The following CLUL1 variants were observed in gnomAD, a reference collection of about 807,000 sequenced individuals.
CLUL1 encodes the protein clusterin-like protein 1.
CLUL1 carries 43 observed loss-of-function variants against 49.4 expected under a neutral mutation model. That is an observed-to-expected ratio of 0.87 (90% CI 0.68 to 1.12). CLUL1 has a LOEUF of 1.12. Among genes scored for constraint, CLUL1 ranks in the 50% most tolerant of loss-of-function variants. The probability of loss-of-function intolerance (pLI) is 0.00; values close to 1 mark genes in which losing one functional copy is unlikely to be tolerated. For missense variants in CLUL1, 486 were observed against 544.4 expected (o/e 0.89, Z 1.07); for synonymous variants, 192 against 184.9 (o/e 1.04, Z -0.31).
chr18:638,441 A>G (rs925131809), intron 7 of CLUL1, among the ~76,000 whole-genome samples: 28 of 152,400 alleles, frequency 1.8e-4, no homozygotes, highest in African/African-American at 6.2e-4. Context: ...TACATCAGAT[A>G]ATACAGTACA....
At chr18:644,202 A>G (rs2074411841) in intron 8 of CLUL1, among the ~76,000 whole-genome samples, 1 of 152,242 alleles carries the variant, frequency 6.6e-6, no homozygotes, top group South Asian at 2.1e-4. Flanking sequence ...ACTCACAGAA[A>G]GAGAAGGGAA....
rs367830327 is a variant in CLUL1, at chr18:636,847, G to A, written c.994+3412G>A. ...TCACCATGTTGGTTAGGCTGGTGGC[G>A]AACTCCTGACCTCAAGTGATTTGCC... On this transcript the variant is annotated intron_variant, in intron 7 of 9. Transcript: ENST00000692774. Among the ~76,000 whole-genome samples, 8 of 151,552 alleles carry A rather than the reference G, an allele frequency of 5.3e-5. No individual in the cohort carries two copies. The East Asian group carries it at 7.8e-4, about 15-fold the overall frequency.
Position 641,385 on chromosome 18 carries a change from T to C in CLUL1, c.1053T>C (p.Asn351=), listed in dbSNP as rs370312760. 85 of 1,614,100 alleles carry C rather than the reference T, an allele frequency of 5.3e-5. No homozygotes were observed. The highest frequency in any genetic ancestry group is 5.7e-5 in the Non-Finnish European group (67 of 1,180,046). ...TELDEAIRLV[N]VSNQQYGQIL... is the part of the protein sequence containing the mutation. ...TAGACGAGGCGATCAGGTTGGTCAA[T>C]GTATCCAATCAGCAGTATGGCCAGA... Residue 351 remains asparagine (N), a synonymous_variant, in exon 8 of 10, where the codon AAT becomes AAC. Transcript: ENST00000692774.
At chr18:620,931 A>C (rs2073472627) in intron 4 of CLUL1, among the ~76,000 whole-genome samples, 1 of 152,204 alleles carries the variant, frequency 6.6e-6, no homozygotes, top group Non-Finnish European at 1.5e-5. Context: ...TGTAACAAAA[A>C]TAATTTGGAA....
At chr18:648,566 C>T (rs1598454409) in intron 9 of CLUL1, among the ~76,000 whole-genome samples, 1 of 151,976 alleles carries the variant, frequency 6.6e-6, no homozygotes. Flanking sequence ...AGGTTATTAA[C>T]ATCTTATTGT....
intron 4 of CLUL1, among the ~76,000 whole-genome samples, chr18:624,106 G>A (rs2073597266): frequency 6.6e-6 from 1 of 152,128 alleles, no homozygotes; most frequent in Non-Finnish European, 1.5e-5. Context: ...GGCACTCCAG[G>A]GGCAGGGCTG....
intron 7 of CLUL1, among the ~76,000 whole-genome samples, chr18:633,804 GAAT>G (rs2074058312): frequency 3.0e-5 from 1 of 33,512 alleles, no homozygotes; most frequent in Non-Finnish European, 9.0e-5. Flanking sequence ...TAATCGGAAT[GAAT>G]CAGGGCGGAG....
chr18:603,962 C>T (rs1223940866), intron 1 of CLUL1, among the ~76,000 whole-genome samples: 1 of 152,166 alleles, frequency 6.6e-6, no homozygotes, highest in African/African-American at 2.4e-5. Flanking sequence ...CTCATTGCAG[C>T]CTCCACCTCC....
intron 2 of CLUL1, among the ~76,000 whole-genome samples, chr18:612,312 C>A (rs1194537405): frequency 6.6e-6 from 1 of 152,210 alleles, no homozygotes; most frequent in Non-Finnish European, 1.5e-5. Context: ...TGATCTCCAG[C>A]CAATATCACA....
intron 4 of CLUL1, among the ~76,000 whole-genome samples, chr18:621,563 C>T (rs557577082): frequency 1.3e-5 from 2 of 152,326 alleles, no homozygotes; most frequent in Admixed American, 6.5e-5. Flanking sequence ...CAGCTGGGAT[C>T]TTCCCTGGTG....
intron 6 of CLUL1, among the ~76,000 whole-genome samples, chr18:630,357 C>CCCAAAGTGCTGGGAT (rs1464834715): frequency 2.6e-5 from 4 of 152,162 alleles, no homozygotes; most frequent in South Asian, 4.1e-4. Context: ...GATCCGCCCA[C>CCCAAAGTGCTGGGAT]CTCGGCCTCC....
intron 7 of CLUL1, among the ~76,000 whole-genome samples, chr18:639,938 G>A (rs2074292847): frequency 1.3e-5 from 2 of 152,126 alleles, no homozygotes; most frequent in African/African-American, 4.8e-5. Flanking sequence ...ACAGAATGCT[G>A]AAAGGTTATG....
At chr18:626,786 AGGAGGCGGAGGTT>A (rs1384857276) in intron 5 of CLUL1, among the ~76,000 whole-genome samples, 2 of 148,350 alleles carry the variant, frequency 1.3e-5, no homozygotes, top group Admixed American at 1.4e-4. Context: ...ACTTGAACCC[AGGAGGCGGAGGTT>A]GCAGTGAGCC....
At chr18:646,501 C>T (rs1382875232) in intron 9 of CLUL1, among the ~76,000 whole-genome samples, 10 of 69,744 alleles carry the variant, frequency 1.4e-4, no homozygotes, top group African/African-American at 5.7e-4. Flanking sequence ...TAGATAGACA[C>T]ACACACACAC....
intron 1 of CLUL1, among the ~76,000 whole-genome samples, chr18:597,495 G>C (rs2143897441): frequency 6.6e-6 from 1 of 152,308 alleles, no homozygotes; most frequent in Admixed American, 6.5e-5. Flanking sequence ...GGAGGCCGAG[G>C]GGGGCCGATC....
chr18:617,536 G>A lies in CLUL1; in HGVS notation c.-13-452G>A, dbSNP rs191385878. Among the ~76,000 whole-genome samples, 45 of 150,576 alleles carry A rather than the reference G, an allele frequency of 3.0e-4. No individual in the cohort carries two copies. In the East Asian group the frequency reaches 7.3e-3, roughly 24 times the overall value. ...CTTGAACCTGGGAGGTGGAGGTTGC[G>A]GTGGGCCGAGATCACGCCATTGCAC... is the stretch of plus-strand genomic sequence containing the variant. On this transcript the variant is annotated intron_variant, in intron 2 of 9. Coordinates refer to ENST00000692774, the MANE Select transcript of CLUL1 (RefSeq NM_001393344.1).
In CLUL1 at chr18:627,403, C is replaced by T. The variant is rs763977404; in HGVS notation, c.730C>T (p.Gln244Ter). The stretch of plus-strand genomic sequence containing the variant: ...GCCGATGACAAAAGCAGATCTTGAG[C>T]AATGTTGGGACATTCCCAACTTCTT... ...KEPMTKADLE[Q>*]CWDIPNFFQL... Residue 244 changes from glutamine to a stop codon, truncating the protein, a stop_gained, in exon 6 of 10, where the codon CAA becomes TAA. Coordinates refer to ENST00000692774, the MANE Select transcript of CLUL1 (RefSeq NM_001393344.1). LOFTEE classifies it high-confidence loss of function. The T allele has an allele frequency of 1.2e-6, 2 of 1,614,114 alleles. No homozygotes were observed. The highest frequency in any genetic ancestry group is 1.7e-6 in the Non-Finnish European group (2 of 1,179,984).
At chr18:628,876 G>A (rs1311393033) in intron 6 of CLUL1, among the ~76,000 whole-genome samples, 4 of 151,848 alleles carry the variant, frequency 2.6e-5, no homozygotes, top group Non-Finnish European at 4.4e-5. Context: ...CAAGTGATCT[G>A]CTCACCTTGG....
chr18:609,732 G>A (rs2073078032), intron 2 of CLUL1, among the ~76,000 whole-genome samples: 1 of 151,042 alleles, frequency 6.6e-6, no homozygotes, highest in Non-Finnish European at 1.5e-5. Flanking sequence ...GCCGAGGCAG[G>A]AGAATCTCTT....
Sources: allele counts gnomAD v4.1 joint callset (sites outside exome capture counted in the v4.1 genomes callset), GRCh38; gene constraint gnomAD v4.1.1; transcripts MANE v1.5; gene names NCBI Gene and HGNC (gene_info 2026-07-23, HGNC 2026-07-21).